The following EPM2A variants were observed in gnomAD, a reference collection of about 807,000 sequenced individuals.
EPM2A encodes the protein laforin.
Under a neutral mutation model 26.5 loss-of-function variants are expected in EPM2A, and 21 were observed. That is an observed-to-expected ratio of 0.79 (90% confidence interval 0.56 to 1.14). EPM2A has a LOEUF of 1.14. Ranked by LOEUF, EPM2A falls within the 50% of genes most tolerant of loss-of-function variation. The pLI, the probability that EPM2A is intolerant of heterozygous loss-of-function variation, is 0.00. For missense variants in EPM2A, 458 were observed against 440.8 expected (o/e 1.04, Z -0.35); for synonymous variants, 217 against 177.6 (o/e 1.22, Z -1.76).
chr6:145,519,466 C>A (rs1780174980), intron 2 of EPM2A, among the ~76,000 whole-genome samples: 1 of 152,134 alleles, frequency 6.6e-6, no homozygotes, highest in Admixed American at 6.5e-5. Flanking sequence ...AATGGAATCC[C>A]CCCTCCAACT....
chr6:145,686,273 A>T lies in EPM2A; in HGVS notation c.325T>A (p.Cys109Ser), dbSNP rs1341563031. Reference protein sequence around the residue: ...WEGNGPHHDRCCTYNENNLVD... With the variant: ...WEGNGPHHDRSCTYNENNLVD... ...AAGTTGTTTTCATTGTAAGTACAGC[A>T]ACGGTCATGATGAGGTCCATTGCCT... Residue 109 changes from cysteine (C) to serine (S), a missense_variant, in exon 2 of 4, where the codon TGC becomes AGC. Cys to Ser is a moderately radical substitution (Grantham distance 112, BLOSUM62 -1). Coordinates refer to ENST00000367519, the MANE Select transcript of EPM2A (RefSeq NM_005670.4). 2 of 1,613,974 alleles carry T rather than the reference A, an allele frequency of 1.2e-6. No homozygotes were observed. The highest frequency in any genetic ancestry group is 1.7e-6 in the Non-Finnish European group (2 of 1,179,870).
At chr6:145,629,454 G>A (rs1163959293) in intron 3 of EPM2A, 1 of 152,216 alleles carries the variant, frequency 6.6e-6, no homozygotes, top group Non-Finnish European at 1.5e-5. Flanking sequence ...CAACAGGATG[G>A]TGAGAGCATC....
Position 145,411,633 on chromosome 6 carries a change from T to C in EPM2A, c.556-27536A>G, listed in dbSNP as rs115194206. Among the ~76,000 whole-genome samples, 380 of 152,194 alleles carry C rather than the reference T, an allele frequency of 2.5e-3. 1 individual carries two copies. Among genetic ancestry groups the C allele is most frequent in the African/African-American group, 8.8e-3 (366 of 41,526 alleles). Reference sequence around the variant, plus strand: ...TTTTAAAATTATTTTATTAGAACATTAGAAAATTTTCAAACATAAACAAAA... The same window carrying C: ...TTTTAAAATTATTTTATTAGAACATCAGAAAATTTTCAAACATAAACAAAA... On this transcript the variant is annotated intron_variant, in intron 4 of 4. Transcript: ENST00000638717.
intron 2 of EPM2A, among the ~76,000 whole-genome samples, chr6:145,590,883 C>T (rs1419407530): frequency 4.6e-5 from 7 of 151,994 alleles, no homozygotes; most frequent in African/African-American, 9.7e-5. Flanking sequence ...AAAAGTTTAA[C>T]CTAGCATCGA....
chr6:145,440,917 G>A (rs532640175), intron 4 of EPM2A, among the ~76,000 whole-genome samples: 24 of 152,266 alleles, frequency 1.6e-4, no homozygotes, highest in East Asian at 3.9e-4. Flanking sequence ...GCAAGCTGTC[G>A]GTGGATCTAC....
intron 4 of EPM2A, among the ~76,000 whole-genome samples, chr6:145,465,672 A>G (rs1779381838): frequency 6.6e-6 from 1 of 151,776 alleles, no homozygotes; most frequent in Admixed American, 6.6e-5. Context: ...TCTGTTTGTT[A>G]GTTTTCCTTC....
At chr6:145,474,378 C>T (rs1047610391) in intron 4 of EPM2A, among the ~76,000 whole-genome samples, 1 of 152,120 alleles carries the variant, frequency 6.6e-6, no homozygotes, top group African/African-American at 2.4e-5. Context: ...AGGAGAATCA[C>T]TTGAACCTGG....
At chr6:145,419,187 C>T (rs369069371) in intron 4 of EPM2A, among the ~76,000 whole-genome samples, 25 of 150,580 alleles carry the variant, frequency 1.7e-4, no homozygotes, top group South Asian at 4.3e-4. Flanking sequence ...ATGTCCCCCC[C>T]CCCCGCTCCT....
At chr6:145,464,394 A>C (rs2114719260) in intron 4 of EPM2A, among the ~76,000 whole-genome samples, 1 of 152,280 alleles carries the variant, frequency 6.6e-6, no homozygotes, top group South Asian at 2.1e-4. Context: ...TAAATGGACT[A>C]ATACACAACT....
At chr6:145,647,555 C>CACA (rs1777568896) in intron 2 of EPM2A, among the ~76,000 whole-genome samples, 1 of 152,308 alleles carries the variant, frequency 6.6e-6, no homozygotes, top group South Asian at 2.1e-4. Flanking sequence ...TTTTCTTAAG[C>CACA]ATTTCATCGT....
At chr6:145,696,086 C>T (rs929076335) in intron 1 of EPM2A, among the ~76,000 whole-genome samples, 2 of 151,910 alleles carry the variant, frequency 1.3e-5, no homozygotes, top group Non-Finnish European at 2.9e-5. Flanking sequence ...TTGTTTCCTA[C>T]CATAATGATA....
chr6:145,735,065 G>C, intron 1 of EPM2A, 133 bp downstream of exon 1: 1 of 522,790 alleles, frequency 1.9e-6, no homozygotes, highest in South Asian at 3.9e-5. Flanking sequence ...CGGGGAGTGC[G>C]CAGGGACGCG....
chr6:145,395,883 A>G (rs116768870), intron 4 of EPM2A, among the ~76,000 whole-genome samples: 2 of 152,270 alleles, frequency 1.3e-5, no homozygotes, highest in African/African-American at 4.8e-5. Context: ...GATACAAACC[A>G]TTAAATCAAG....
At chr6:145,455,842 T>C (rs1025548710) in intron 4 of EPM2A, among the ~76,000 whole-genome samples, 2 of 152,214 alleles carry the variant, frequency 1.3e-5, no homozygotes, top group Non-Finnish European at 2.9e-5. Flanking sequence ...AATTTTTACA[T>C]TGAAACATTC....
intron 2 of EPM2A, among the ~76,000 whole-genome samples, chr6:145,540,911 C>G (rs1286793132): frequency 6.6e-6 from 1 of 152,120 alleles, no homozygotes. Context: ...GTTCTCATCT[C>G]TGATTCATCA....
chr6:145,429,838 A>G lies in EPM2A; in HGVS notation c.556-45741T>C, dbSNP rs1778899723. On this transcript the variant is annotated intron_variant, in intron 4 of 4. Coordinates refer to the EPM2A transcript ENST00000638717. ...TTGTGATATTTTAATGGCTCAGATG[A>G]AAATCAAATTCCCTTAAAAAGTTAT... Among the ~76,000 whole-genome samples, 5 of 152,324 alleles carry G rather than the reference A, an allele frequency of 3.3e-5. No individual in the cohort carries two copies. In the South Asian group the frequency reaches 1.0e-3, roughly 32 times the overall value.
At chr6:145,624,242 C>T (rs561536563), downstream of EPM2A, among the ~76,000 whole-genome samples, 1 of 152,264 alleles carries the variant, frequency 6.6e-6, no homozygotes, top group South Asian at 2.1e-4. Flanking sequence ...GTGGACACAG[C>T]ACATCTCTTT....
intron 1 of EPM2A, among the ~76,000 whole-genome samples, chr6:145,723,139 A>C (rs1430150533): frequency 6.6e-6 from 1 of 152,214 alleles, no homozygotes; most frequent in African/African-American, 2.4e-5. Context: ...ATATGCTCTA[A>C]CATAAATGCT....
chr6:145,559,814 A>G (rs147070444), intron 2 of EPM2A, among the ~76,000 whole-genome samples: 3 of 152,074 alleles, frequency 2.0e-5, no homozygotes, highest in East Asian at 3.9e-4. Context: ...GATTTCCCCA[A>G]CAATTATAGT....
Sources: gnomAD v4.1 joint callset for allele counts (sites outside exome capture counted in the v4.1 genomes callset) on GRCh38, gnomAD v4.1.1 for gene constraint, MANE v1.5 for transcripts, NCBI Gene and HGNC (gene_info 2026-07-23, HGNC 2026-07-21) for gene names.